INA: variants seen among roughly 807,000 people sequenced by gnomAD.
INA encodes the protein internexin neuronal intermediate filament protein alpha, also known as alpha-internexin.
In INA, 35 loss-of-function variants were observed where a neutral mutation model predicts 40.1. That is an observed-to-expected ratio of 0.87 (90% CI 0.67 to 1.16). The LOEUF (loss-of-function observed/expected upper bound fraction) is 1.16, where lower values mean the gene tolerates loss of function less well. INA is among the 50% of genes most tolerant of loss of function. The pLI is 0.00. For synonymous variants in INA, 290 were observed against 316.9 expected (o/e 0.92, Z 0.90); for missense variants, 594 against 686.7 (o/e 0.87, Z 1.51).
chr10:103,278,779 A>T lies in INA; in HGVS notation c.1065+503A>T, dbSNP rs951559271. ...GGAAGAGTCCTATCCCATTTTCTTG[A>T]CTTTCGCGCTCCAAAAAGTAGAGAT... is the stretch of plus-strand genomic sequence containing the variant. On this transcript the variant is annotated intron_variant, in intron 1 of 2. Transcript: ENST00000369849. This position sits in a 1 kb window ranked among gnomAD's most constrained non-coding sequence, Gnocchi z 4.9. Among the ~76,000 whole-genome samples, 6 of 151,814 alleles carry T rather than the reference A, an allele frequency of 4.0e-5. No homozygotes were observed. Among genetic ancestry groups the T allele is most frequent in the Admixed American group, 2.0e-4 (3 of 15,220 alleles).
rs554942308 is a variant in INA, at chr10:103,277,236, C to T, written c.25C>T (p.Leu9=). The T allele has an allele frequency of 1.6e-5, 26 of 1,590,332 alleles. No homozygotes were observed. The highest frequency in any genetic ancestry group is 2.2e-5 in the South Asian group (2 of 89,394). Residue 9 remains leucine, a synonymous_variant, in exon 1 of 3, where the codon CTG becomes TTG. Transcript: ENST00000369849. This position sits in a 1 kb window ranked among gnomAD's most constrained non-coding sequence, Gnocchi z 5.6. MSFGSEHY[L]CSSSSYRKVF... ...CATGAGCTTCGGCTCGGAGCACTAC[C>T]TGTGCTCCTCCTCCTCCTACCGCAA... is the stretch of plus-strand genomic sequence containing the variant.
rs746234662 is a variant in INA, at chr10:103,277,185, C to T, written c.-27C>T. On this transcript the variant is annotated 5_prime_UTR_variant, in exon 1 of 3. Transcript: ENST00000369849. This position sits in a 1 kb window ranked among gnomAD's most constrained non-coding sequence, Gnocchi z 5.6. ...TTTCTTCTGTAGCTCGCGTTGAAGC[C>T]GCACGTCCGGCCCCGATCCCGGCAC... The T allele has an allele frequency of 1.3e-6, 2 of 1,551,920 alleles. No individual in the cohort carries two copies. The highest frequency in any genetic ancestry group is 1.7e-6 in the Non-Finnish European group (2 of 1,155,864).
Sources: allele counts gnomAD v4.1 joint callset (sites outside exome capture counted in the v4.1 genomes callset), GRCh38; gene constraint gnomAD v4.1.1; non-coding constraint Gnocchi (gnomAD v3.1); transcripts MANE v1.5; gene names NCBI Gene and HGNC (gene_info 2026-07-23, HGNC 2026-07-21).